Variants in BMPR2 observed in about 807,000 individuals in gnomAD.
BMPR2 encodes bone morphogenetic protein receptor type-2.
Under a neutral mutation model 100.8 loss-of-function variants are expected in BMPR2, and 29 were observed. That is an observed-to-expected ratio of 0.29 (90% CI 0.21 to 0.39). The LOEUF is 0.39. Among genes scored for constraint, BMPR2 ranks in the 10% least tolerant of loss-of-function variants. The pLI is 1.00. For synonymous variants in BMPR2, 382 were observed against 442.3 expected (o/e 0.86, Z 1.71); for missense variants, 1,011 against 1,274.5 (o/e 0.79, Z 3.15).
intron 7 of BMPR2, among the ~76,000 whole-genome samples, chr2:202,523,690 G>A (rs1046429271): frequency 2.0e-5 from 3 of 152,174 alleles, no homozygotes; most frequent in African/African-American, 2.4e-5. Context: ...TGTAATCCCA[G>A]CTACTCGGGA....
chr2:202,482,109 C>T (rs1463620854), intron 3 of BMPR2, among the ~76,000 whole-genome samples: 2 of 152,166 alleles, frequency 1.3e-5, no homozygotes, highest in East Asian at 1.9e-4. Context: ...GCTCATTTCA[C>T]TTAGCATAGT....
chr2:202,439,926 T>TTC lies in BMPR2; in HGVS notation c.77-24882_77-24881insCT, dbSNP rs1377879071. ...CCGCAGTGTTTGTGTCCCTGGGTAC[T>TTC]TGAGATTAGGGAGTTCAAGCATCTG... On this transcript the variant is annotated intron_variant, in intron 1 of 12. Coordinates refer to ENST00000374580, the MANE Select transcript of BMPR2 (RefSeq NM_001204.7). Among the ~76,000 whole-genome samples, 10 of 150,354 alleles carry TTC rather than the reference T, an allele frequency of 6.7e-5. No individual in the cohort carries two copies. The East Asian group carries it at 1.9e-3, about 29-fold the overall frequency.
chr2:202,453,236 C>T (rs1189594203), intron 1 of BMPR2, among the ~76,000 whole-genome samples: 2 of 150,406 alleles, frequency 1.3e-5, no homozygotes, highest in Admixed American at 6.6e-5. Context: ...TATTTATAGT[C>T]CCTTCATTAT....
chr2:202,478,310 G>T (rs1692590174), intron 3 of BMPR2, among the ~76,000 whole-genome samples: 1 of 152,178 alleles, frequency 6.6e-6, no homozygotes, highest in Admixed American at 6.6e-5. Context: ...ATGAGTTATA[G>T]TGCTGTTGGC....
intron 1 of BMPR2, among the ~76,000 whole-genome samples, chr2:202,385,256 T>C (rs1297842447): frequency 6.7e-6 from 1 of 149,332 alleles, no homozygotes; most frequent in Non-Finnish European, 1.5e-5. Flanking sequence ...AGGGCAAGCT[T>C]TTTTTTTTGT....
chr2:202,528,000 C>T (rs1299883492), intron 7 of BMPR2, among the ~76,000 whole-genome samples: 1 of 151,656 alleles, frequency 6.6e-6, no homozygotes, highest in East Asian at 2.0e-4. Context: ...CTAGCCTCGG[C>T]AACATAGTGA....
At chr2:202,485,001 A>C (rs1401009556) in intron 3 of BMPR2, among the ~76,000 whole-genome samples, 5 of 149,408 alleles carry the variant, frequency 3.3e-5, no homozygotes, top group African/African-American at 1.2e-4. Context: ...AAGAAAGAAG[A>C]AAAAAAATAG....
chr2:202,553,806 G>A (rs1297745227), intron 11 of BMPR2, among the ~76,000 whole-genome samples: 2 of 151,758 alleles, frequency 1.3e-5, no homozygotes, highest in Non-Finnish European at 2.9e-5. Flanking sequence ...CTCCTGCCTC[G>A]GCCTCCCGAG....
chr2:202,454,330 C>T (rs1264918071), intron 1 of BMPR2, among the ~76,000 whole-genome samples: 1 of 152,178 alleles, frequency 6.6e-6, no homozygotes. Flanking sequence ...CTTGGCCTCC[C>T]AAAGTGCTGA....
At chr2:202,463,881 C>T (rs996014134) in intron 1 of BMPR2, among the ~76,000 whole-genome samples, 3 of 151,826 alleles carry the variant, frequency 2.0e-5, no homozygotes, top group Admixed American at 6.6e-5. Flanking sequence ...TTTTTTTGGT[C>T]GTGCATGGTG....
At chr2:202,444,452 A>G (rs1456471568) in intron 1 of BMPR2, among the ~76,000 whole-genome samples, 1 of 150,762 alleles carries the variant, frequency 6.6e-6, no homozygotes, top group East Asian at 1.9e-4. Context: ...TAATTCAACA[A>G]ATTTCTAAAA....
rs772477135 is a variant in BMPR2, at chr2:202,555,269, G to A, written c.1604G>A (p.Arg535Lys). The change falls in exon 12 of 13, where the codon AGG becomes AAG. Residue 535 changes from arginine to lysine, a missense_variant. Arg to Lys is a conservative substitution (Grantham distance 26). Coordinates refer to ENST00000374580, the MANE Select transcript of BMPR2 (RefSeq NM_001204.7). ...MQNERNLSHNRRVPKIGPYPD... is the reference protein window; with the variant it reads ...MQNERNLSHNKRVPKIGPYPD... ...TCTTTAAGCAACCTGTCACATAATA[G>A]GCGTGTGCCAAAAATTGGTCCTTAT... is the stretch of plus-strand genomic sequence containing the variant. 2 of 1,613,960 alleles carry A rather than the reference G, an allele frequency of 1.2e-6. No homozygotes were observed. Among genetic ancestry groups the A allele is most frequent in the Middle Eastern group, 1.6e-4 (1 of 6,062 alleles).
At chr2:202,448,767 T>A in intron 1 of BMPR2, among the ~76,000 whole-genome samples, 1 of 152,024 alleles carries the variant, frequency 6.6e-6, no homozygotes. Context: ...CTTTAATGAC[T>A]GATTTTTGTG....
chr2:202,441,808 C>A (rs573236410), intron 1 of BMPR2, among the ~76,000 whole-genome samples: 1 of 147,274 alleles, frequency 6.8e-6, no homozygotes, highest in Non-Finnish European at 1.5e-5. Context: ...CCGAGGTGGG[C>A]GATCACCTGA....
At chr2:202,509,067 C>A (rs1687579003) in intron 3 of BMPR2, among the ~76,000 whole-genome samples, 1 of 151,968 alleles carries the variant, frequency 6.6e-6, no homozygotes, top group Non-Finnish European at 1.5e-5. Flanking sequence ...ATCTGTTTTT[C>A]TTTTTACAGG....
At position 202,470,720 on chromosome 2, in the gene BMPR2, C is replaced by T. The variant is rs370099594; in HGVS notation, c.418+3031C>T. ...CGGAGCTTGCAGTGAGCCGAGATTG[C>T]GCCACTGCAGTCCGCAGTCCGGCCT... On this transcript the variant is annotated intron_variant, in intron 3 of 12. Transcript: ENST00000374580. 3.7e-3 allele frequency among the ~76,000 whole-genome samples: 549 copies of T among 148,096 alleles called. 4 individuals carry two copies. The highest frequency in any genetic ancestry group is 0.011 in the African/African-American group (456 of 40,138).
intron 1 of BMPR2, among the ~76,000 whole-genome samples, chr2:202,392,685 A>G (rs1317629956): frequency 6.6e-6 from 1 of 152,122 alleles, no homozygotes; most frequent in Non-Finnish European, 1.5e-5. Context: ...TTGAGTTTCT[A>G]GCTTTAAAAA....
At chr2:202,488,138 C>T (rs574633654) in intron 3 of BMPR2, among the ~76,000 whole-genome samples, 1 of 152,246 alleles carries the variant, frequency 6.6e-6, no homozygotes, top group South Asian at 2.1e-4. Flanking sequence ...CAAATATTGG[C>T]AATAAAGAGG....
At chr2:202,535,154 C>T (rs1243354883) in intron 9 of BMPR2, among the ~76,000 whole-genome samples, 3 of 149,662 alleles carry the variant, frequency 2.0e-5, no homozygotes, top group East Asian at 2.0e-4. Flanking sequence ...ACCTCCCTCC[C>T]GGATGGGGCG....
Sources: gnomAD v4.1 joint callset for allele counts (sites outside exome capture counted in the v4.1 genomes callset) on GRCh38, gnomAD v4.1.1 for gene constraint, MANE v1.5 for transcripts, NCBI Gene and HGNC (gene_info 2026-07-23, HGNC 2026-07-21) for gene names.